MBD5: variants seen among roughly 807,000 people sequenced by gnomAD.
The protein encoded by MBD5 is methyl-CpG binding domain protein 5, also known as methyl-CpG-binding domain protein 5.
MBD5 carries 13 observed loss-of-function variants against 117.3 expected under a neutral mutation model. The observed-to-expected ratio is 0.11, with a 90% CI of 0.07 to 0.18. The LOEUF (loss-of-function observed/expected upper bound fraction) is 0.18. Ranked by LOEUF, MBD5 falls within the 10% of genes least tolerant of loss-of-function variation. MBD5 has a pLI of 1.00. For missense variants in MBD5, 1,879 were observed against 2,093.8 expected, an observed-to-expected ratio of 0.90 and a Z score of 2.00; for synonymous variants, 727 against 766.4, an observed-to-expected ratio of 0.95 and a Z score of 0.85.
At chr2:148,464,363 C>CCA (rs1707191833) in intron 7 of MBD5, among the ~76,000 whole-genome samples, 1 of 152,106 alleles carries the variant, frequency 6.6e-6, no homozygotes, top group East Asian at 1.9e-4. Flanking sequence ...ATCTCCACCA[C>CCA]CACACACACG....
At chr2:148,057,833 ATAAAGT>A (rs1259232867) in intron 1 of MBD5, among the ~76,000 whole-genome samples, 3 of 151,912 alleles carry the variant, frequency 2.0e-5, no homozygotes, top group African/African-American at 4.8e-5. Context: ...GTTAAAAAAA[ATAAAGT>A]TAGATTCTAA....
At chr2:148,255,756 C>T (rs1700575347) in intron 3 of MBD5, among the ~76,000 whole-genome samples, 1 of 152,238 alleles carries the variant, frequency 6.6e-6, no homozygotes, top group African/African-American at 2.4e-5. Context: ...CCCACAAAGA[C>T]AGGAGTGTGA....
intron 1 of MBD5, among the ~76,000 whole-genome samples, chr2:148,105,903 AG>A (rs1696359887): frequency 6.6e-6 from 1 of 152,106 alleles, no homozygotes; most frequent in South Asian, 2.1e-4. Flanking sequence ...GATTTTTAGA[AG>A]TGTGCTGCTT....
intron 4 of MBD5, among the ~76,000 whole-genome samples, chr2:148,361,637 CA>C (rs1703535643): frequency 6.6e-6 from 1 of 152,056 alleles, no homozygotes; most frequent in Non-Finnish European, 1.5e-5. Flanking sequence ...AGGAACTTAA[CA>C]ATAGTTATTT....
intron 1 of MBD5, among the ~76,000 whole-genome samples, chr2:148,040,866 G>A (rs527439654): frequency 1.1e-4 from 16 of 152,148 alleles, no homozygotes; most frequent in African/African-American, 3.9e-4. Flanking sequence ...TGGAGGCCCT[G>A]GTATTTTTTA....
chr2:148,145,662 G>C (rs547073835), intron 1 of MBD5, among the ~76,000 whole-genome samples: 19 of 152,118 alleles, frequency 1.2e-4, no homozygotes, highest in Non-Finnish European at 2.4e-4. Context: ...GCATGAAGGG[G>C]TGTTGAATTT....
At chr2:148,172,806 C>A (rs955684824) in intron 1 of MBD5, among the ~76,000 whole-genome samples, 1 of 152,106 alleles carries the variant, frequency 6.6e-6, no homozygotes, top group Non-Finnish European at 1.5e-5. Flanking sequence ...TCATACAGAC[C>A]GTTGGGACTA....
At chr2:148,149,814 G>A (rs1248540982) in intron 1 of MBD5, among the ~76,000 whole-genome samples, 2 of 151,324 alleles carry the variant, frequency 1.3e-5, no homozygotes, top group African/African-American at 4.9e-5. Flanking sequence ...AAATTTGTTT[G>A]AGTTCATTGT....
intron 2 of MBD5, among the ~76,000 whole-genome samples, chr2:148,221,961 G>A (rs1699696575): frequency 6.6e-6 from 1 of 152,010 alleles, no homozygotes; most frequent in Non-Finnish European, 1.5e-5. Context: ...CAGTCTAACT[G>A]CATTCTTGTG....
intron 3 of MBD5, among the ~76,000 whole-genome samples, chr2:148,340,528 C>T (rs1451142070): frequency 6.6e-6 from 1 of 151,788 alleles, no homozygotes; most frequent in African/African-American, 2.4e-5. Context: ...AATTTCTTAG[C>T]GGTTTGGTAC....
At chr2:148,134,541 A>G (rs1351781208) in intron 1 of MBD5, among the ~76,000 whole-genome samples, 3 of 152,120 alleles carry the variant, frequency 2.0e-5, no homozygotes, top group Non-Finnish European at 4.4e-5. Context: ...CTAAATAAGC[A>G]CCCTACAAGT....
At chr2:148,495,894 G>A (rs1295318100) in intron 11 of MBD5, among the ~76,000 whole-genome samples, 2 of 152,200 alleles carry the variant, frequency 1.3e-5, no homozygotes, top group Non-Finnish European at 2.9e-5. Context: ...TGACAGCATG[G>A]AGCATAACCA....
chr2:148,483,088 G>GTTT, intron 8 of MBD5, 22 bp from the exon 9 acceptor site: 1 of 1,340,480 alleles, frequency 7.5e-7, no homozygotes, highest in African/African-American at 1.5e-5. Context: ...TGGGTTTTGT[G>GTTT]TTTTTTTTTT....
intron 3 of MBD5, among the ~76,000 whole-genome samples, chr2:148,294,506 T>TTTTTTTTTGTTTGTTTTTTTTTGTTTTG (rs1397412173): frequency 3.8e-5 from 5 of 130,642 alleles, no homozygotes; most frequent in Non-Finnish European, 4.9e-5. Flanking sequence ...TTACAGTTTT[T>TTTTTTTTTGTTTGTTTTTTTTTGTTTTG]TTTTTTTTTT....
rs372353442 is a variant in MBD5 at position 148,439,168 on chromosome 2, G to T, written c.-556-19035G>T. On this transcript the variant is annotated intron_variant, in intron 4 of 13. Transcript: ENST00000642680. ...CCCTTCCTCAGAAGTTGACTTTCAG[G>T]ATTTCAGCATTTGAAATTTTAAGTT... 7.2e-5 allele frequency among the ~76,000 whole-genome samples: 11 copies of T among 152,226 alleles called. No individual in the cohort carries two copies. The South Asian group carries it at 1.2e-3, about 17-fold the overall frequency.
At chr2:148,032,935 T>G (rs544953613) in intron 1 of MBD5, among the ~76,000 whole-genome samples, 1 of 152,196 alleles carries the variant, frequency 6.6e-6, no homozygotes, top group Non-Finnish European at 1.5e-5. Flanking sequence ...CTATATGTAT[T>G]CAAAAGAGAA....
chr2:148,470,368 C>A lies in MBD5; in HGVS notation c.2425C>A (p.Pro809Thr). The change falls in exon 8 of 14, where the codon CCC becomes ACC. Residue 809 changes from proline (P) to threonine (T), a missense_variant. Physicochemically the swap from Pro to Thr is conservative, Grantham distance 38 (BLOSUM62 -1). Coordinates refer to ENST00000642680, the MANE Select transcript of MBD5 (RefSeq NM_001378120.1). ...SGMALGNSLH[P>T]NPPQSRISTS... ...CATGGCTTTAGGAAATTCCTTACAT[C>A]CCAATCCACCTCAGTCAAGAATTTC... 6.2e-7 allele frequency: 1 copy of A among 1,613,730 alleles called. No individual in the cohort carries two copies. Among genetic ancestry groups the A allele is most frequent in the South Asian group, 1.1e-5 (1 of 91,058 alleles).
intron 1 of MBD5, among the ~76,000 whole-genome samples, chr2:148,149,638 GGT>G (rs1287713081): frequency 6.6e-6 from 1 of 151,998 alleles, no homozygotes; most frequent in African/African-American, 2.4e-5. Flanking sequence ...CATTCTAACT[GGT>G]GTGAGATGGT....
chr2:148,152,964 G>A (rs906616735), intron 1 of MBD5, among the ~76,000 whole-genome samples: 3 of 151,748 alleles, frequency 2.0e-5, no homozygotes, highest in African/African-American at 7.3e-5. Flanking sequence ...TGTTATGTGT[G>A]AATTTGATCC....
Sources: allele counts gnomAD v4.1 joint callset (sites outside exome capture counted in the v4.1 genomes callset), GRCh38; gene constraint gnomAD v4.1.1; transcripts MANE v1.5; gene names NCBI Gene and HGNC (gene_info 2026-07-23, HGNC 2026-07-21).